DAB1: variants seen among roughly 807,000 people sequenced by gnomAD.
DAB1 encodes DAB adaptor protein 1, also known as disabled homolog 1.
Under a neutral mutation model 64.6 loss-of-function variants are expected in DAB1, and 15 were observed. The observed-to-expected ratio is 0.23, with a 90% CI of 0.16 to 0.36. The LOEUF is 0.36. Among genes scored for constraint, DAB1 ranks in the 10% least tolerant of loss-of-function variants. DAB1 has a pLI of 1.00. For missense variants in DAB1, 596 were observed against 706.7 expected, an observed-to-expected ratio of 0.84 and a Z score of 1.78; for synonymous variants, 235 against 251.9, an observed-to-expected ratio of 0.93 and a Z score of 0.64.
chr1:57,701,980 T>C (rs1646913679), intron 6 of DAB1, among the ~76,000 whole-genome samples: 1 of 152,198 alleles, frequency 6.6e-6, no homozygotes, highest in Admixed American at 6.5e-5. Context: ...GCTTACATAT[T>C]GCCATCTCGT....
At position 57,424,049 on chromosome 1, in the gene DAB1, C is replaced by G. The variant is rs1322309654; in HGVS notation, c.-256G>C. 1 of 152,248 alleles carries G rather than the reference C, an allele frequency of 6.6e-6. No homozygotes were observed. Among genetic ancestry groups the G allele is most frequent in the Non-Finnish European group, 1.5e-5 (1 of 67,848 alleles). The allele number at this position is 152,248 out of a possible 1,614,324, so 9.4% of individuals were successfully genotyped here. A position where few individuals can be genotyped will look rare whatever the true frequency, so the allele number is the denominator to read the frequency against. On this transcript the variant is annotated 5_prime_UTR_variant, in exon 1 of 15. Coordinates refer to ENST00000371236, the MANE Select transcript of DAB1 (RefSeq NM_001365792.1). ...AGCCCGGGGAAGCCCGGGCGAGCGC[C>G]GAGCTGGGTCCATCCTCCCCGGGAG...
chr1:57,094,721 A>C (rs1422856359), intron 4 of DAB1, among the ~76,000 whole-genome samples: 1 of 152,182 alleles, frequency 6.6e-6, no homozygotes, highest in African/African-American at 2.4e-5. Flanking sequence ...GAGTAGACCC[A>C]CTGAAGGATC....
intron 2 of DAB1, among the ~76,000 whole-genome samples, chr1:57,284,843 T>C (rs1672190070): frequency 6.6e-6 from 1 of 152,144 alleles, no homozygotes; most frequent in Non-Finnish European, 1.5e-5. Context: ...AACCATTCTT[T>C]AACCCAAACT....
At chr1:57,916,719 C>G (rs1039946889) in intron 5 of DAB1, among the ~76,000 whole-genome samples, 1 of 152,176 alleles carries the variant, frequency 6.6e-6, no homozygotes, top group Non-Finnish European at 1.5e-5. Context: ...GAGTGGATCA[C>G]CTGAGGTCAG....
At chr1:57,629,457 G>A (rs1387565350) in intron 7 of DAB1, among the ~76,000 whole-genome samples, 1 of 152,076 alleles carries the variant, frequency 6.6e-6, no homozygotes, top group Non-Finnish European at 1.5e-5. Flanking sequence ...CTGACAGGTG[G>A]GACTGGAGGA....
rs1683066168 is a variant in DAB1 at position 57,399,435 on chromosome 1, T to A, written c.-137+24495A>T. ...TCAAATATTAATATTAATTCAAACC[T>A]GCGATTCTAGGCTTAAATCATTTCT... On this transcript the variant is annotated intron_variant, in intron 1 of 14. Transcript: ENST00000371236. 2.0e-5 allele frequency among the ~76,000 whole-genome samples: 3 copies of A among 152,216 alleles called. No homozygotes were observed. In the South Asian group the frequency reaches 6.2e-4, roughly 32 times the overall value.
chr1:57,582,726 C>G (rs1645328797), intron 7 of DAB1, among the ~76,000 whole-genome samples: 1 of 152,198 alleles, frequency 6.6e-6, no homozygotes, highest in Admixed American at 6.5e-5. Flanking sequence ...CGATGCCACT[C>G]CAACAGCATC....
At chr1:57,830,734 T>C (rs1038445249) in intron 1 of DAB1, among the ~76,000 whole-genome samples, 3 of 152,146 alleles carry the variant, frequency 2.0e-5, no homozygotes, top group African/African-American at 7.2e-5. Flanking sequence ...ATAAGACCGA[T>C]TTACTATACC....
chr1:58,428,733 T>G (rs867741731), intron 3 of DAB1, among the ~76,000 whole-genome samples: 1 of 152,368 alleles, frequency 6.6e-6, no homozygotes, highest in Middle Eastern at 3.4e-3. Context: ...GAGAGGAAAG[T>G]TGATGAGAGT....
At chr1:57,670,347 C>A (rs1364012419) in intron 6 of DAB1, among the ~76,000 whole-genome samples, 1 of 152,062 alleles carries the variant, frequency 6.6e-6, no homozygotes, top group African/African-American at 2.4e-5. Flanking sequence ...CACAGAAGCC[C>A]CAATCACTGC....
chr1:58,157,754 A>G (rs1655297533), intron 4 of DAB1, among the ~76,000 whole-genome samples: 1 of 152,164 alleles, frequency 6.6e-6, no homozygotes, highest in Non-Finnish European at 1.5e-5. Context: ...GATGATCTGT[A>G]TCATCTTTTT....
intron 3 of DAB1, among the ~76,000 whole-genome samples, chr1:58,429,565 C>A (rs932619701): frequency 2.6e-5 from 4 of 152,084 alleles, no homozygotes; most frequent in South Asian, 2.1e-4. Flanking sequence ...CTTGAGTACA[C>A]CCTTTTGGGA....
intron 5 of DAB1, among the ~76,000 whole-genome samples, chr1:58,046,465 A>AT (rs966333606): frequency 9.3e-5 from 14 of 151,104 alleles, no homozygotes; most frequent in East Asian, 5.8e-4. Context: ...TTTTCTGTTG[A>AT]TTTTTTTTTC....
At chr1:57,206,398 C>T (rs983086097) in intron 2 of DAB1, among the ~76,000 whole-genome samples, 1 of 152,132 alleles carries the variant, frequency 6.6e-6, no homozygotes, top group Non-Finnish European at 1.5e-5. Context: ...GCCCCCACTA[C>T]CTCATTGATA....
intron 1 of DAB1, among the ~76,000 whole-genome samples, chr1:57,303,433 AG>A (rs1673844938): frequency 6.6e-6 from 1 of 152,220 alleles, no homozygotes; most frequent in Admixed American, 6.5e-5. Context: ...CCTGACCAGC[AG>A]TCACAGCTCA....
intron 5 of DAB1, among the ~76,000 whole-genome samples, chr1:58,126,590 A>G (rs1186383564): frequency 1.3e-5 from 2 of 150,806 alleles, no homozygotes; most frequent in South Asian, 2.1e-4. Flanking sequence ...ATATCTCCTG[A>G]TGCTATCCCT....
intron 5 of DAB1, among the ~76,000 whole-genome samples, chr1:57,970,428 G>A (rs1191946473): frequency 1.3e-5 from 2 of 152,158 alleles, no homozygotes; most frequent in East Asian, 3.9e-4. Flanking sequence ...TAGCAACATG[G>A]AGAAAATGCC....
chr1:58,339,102 C>T (rs1053125278), intron 4 of DAB1, among the ~76,000 whole-genome samples: 2 of 152,018 alleles, frequency 1.3e-5, no homozygotes, highest in South Asian at 4.2e-4. Flanking sequence ...ATCTGCACAT[C>T]ATTGTGAAAG....
At chr1:57,458,557 T>C (rs568619176) in intron 7 of DAB1, among the ~76,000 whole-genome samples, 104 of 152,150 alleles carry the variant, frequency 6.8e-4, no homozygotes, top group African/African-American at 2.4e-3. Context: ...ATAAGAAGCT[T>C]TGGTTTAAAA....
Sources: gnomAD v4.1 joint callset for allele counts (sites outside exome capture counted in the v4.1 genomes callset) on GRCh38, gnomAD v4.1.1 for gene constraint, MANE v1.5 for transcripts, NCBI Gene and HGNC (gene_info 2026-07-23, HGNC 2026-07-21) for gene names.